Variants in HCN2 observed in about 807,000 individuals in gnomAD.
HCN2 encodes hyperpolarization activated cyclic nucleotide gated potassium and sodium channel 2, also known as potassium/sodium hyperpolarization-activated cyclic nucleotide-gated channel 2.
A neutral mutation model predicts 52.3 loss-of-function variants in HCN2; 20 were observed. That is an observed-to-expected ratio of 0.38 (90% CI 0.27 to 0.56). HCN2 has a LOEUF of 0.56. Ranked by LOEUF, HCN2 falls within the 20% of genes least tolerant of loss-of-function variation. The pLI, the probability that HCN2 is intolerant of heterozygous loss-of-function variation, is 0.71. For synonymous variants in HCN2, 694 were observed against 537.0 expected (o/e 1.29, Z -4.04); for missense variants, 981 against 1,207.7 (o/e 0.81, Z 2.78).
intron 1 of HCN2, among the ~76,000 whole-genome samples, chr19:599,718 G>A (rs2144510819): frequency 6.6e-6 from 1 of 152,254 alleles, no homozygotes; most frequent in South Asian, 2.1e-4. Flanking sequence ...AACCCTGGAG[G>A]CGGAGCTTGC....
Position 603,483 on chromosome 19 carries a change from G to A in HCN2, c.633-61G>A, listed in dbSNP as rs116123391. On this transcript the variant is annotated intron_variant, in intron 1 of 7. Transcript: ENST00000251287. ...CGTCCCCCAAGGAAGAGTGCCCGGG[G>A]CTGGTCCCGCAGGTGCCCCGGGGAG... is the stretch of plus-strand genomic sequence containing the variant. The A allele has an allele frequency of 6.8e-4, 946 of 1,381,806 alleles. 4 individuals are homozygous for A. The African/African-American group carries it at 0.012, about 17-fold the overall frequency. The allele number at this position is 1,381,806 out of a possible 1,614,324, so 85.6% of individuals were successfully genotyped here. A position where few individuals can be genotyped will look rare whatever the true frequency, so the allele number is the denominator to read the frequency against.
intron 5 of HCN2, among the ~76,000 whole-genome samples, chr19:611,110 C>CT (rs1226286844): frequency 6.6e-6 from 1 of 152,222 alleles, no homozygotes; most frequent in African/African-American, 2.4e-5. Context: ...GTGGCCTCGC[C>CT]TTAACTGGGC....
At position 592,089 on chromosome 19, in the gene HCN2, G is replaced by A. The variant is rs949918387; in HGVS notation, c.632+1512G>A. Among the ~76,000 whole-genome samples the A allele has an allele frequency of 2.6e-5, 4 of 152,200 alleles. No individual in the cohort carries two copies. Among genetic ancestry groups the A allele is most frequent in the Non-Finnish European group, 5.9e-5 (4 of 68,016 alleles). Reference sequence around the variant, plus strand: ...GGTCAGCATCTGGGCTCTGGCCTGCGAAATGTGGACAGTGAGCGGGAAGGA... The same window carrying A: ...GGTCAGCATCTGGGCTCTGGCCTGCAAAATGTGGACAGTGAGCGGGAAGGA... On this transcript the variant is annotated intron_variant, in intron 1 of 7. Transcript: ENST00000251287. The surrounding 1 kb of genome is among the most constrained non-coding windows in gnomAD (Gnocchi z 4.8).
chr19:604,086 G>T, intron 2 of HCN2, 119 bp downstream of exon 2: 1 of 794,032 alleles, frequency 1.3e-6, no homozygotes, highest in South Asian at 1.8e-5. Flanking sequence ...AAGGCAGCAG[G>T]GGTGGGGCTA....
In HCN2 at chr19:600,955, C is replaced by T. The variant is rs369627001; in HGVS notation, c.633-2589C>T. Among the ~76,000 whole-genome samples, 46 of 152,288 alleles carry T rather than the reference C, an allele frequency of 3.0e-4. No individual in the cohort carries two copies. In the East Asian group the frequency reaches 4.4e-3, roughly 15 times the overall value. On this transcript the variant is annotated intron_variant, in intron 1 of 7. Coordinates refer to ENST00000251287, the MANE Select transcript of HCN2 (RefSeq NM_001194.4). ...TGCCACTTCTCACCCCTCCAACCCCCGGCCCCCGGCACCCATGCATCCCCT... is the reference window on the plus strand; with the variant it reads ...TGCCACTTCTCACCCCTCCAACCCCTGGCCCCCGGCACCCATGCATCCCCT...
At position 593,570 on chromosome 19, in the gene HCN2, A is replaced by C. The variant is rs147404977; in HGVS notation, c.632+2993A>C. Among the ~76,000 whole-genome samples, 422 of 152,254 alleles carry C rather than the reference A, an allele frequency of 2.8e-3. 2 individuals are homozygous for C. The highest frequency in any genetic ancestry group is 0.014 in the Middle Eastern group (4 of 294). On this transcript the variant is annotated intron_variant, in intron 1 of 7. Coordinates refer to ENST00000251287, the MANE Select transcript of HCN2 (RefSeq NM_001194.4). The stretch of plus-strand genomic sequence containing the variant: ...AGGAGGCAGAGGTTGCAGTGAGCCG[A>C]GATCGCGCTGCTGCACTCCAGCCTG...
Position 604,982 on chromosome 19 carries a change from G to A in HCN2, c.1057-79G>A, listed in dbSNP as rs941221732. On this transcript the variant is annotated intron_variant, in intron 2 of 7. Coordinates refer to ENST00000251287, the MANE Select transcript of HCN2 (RefSeq NM_001194.4). Reference sequence around the variant, plus strand: ...GGAGGGGGCCAGGAGCTCCCGCAGTGGGGGCGCACGGGGCTGGGGCTCTGA... The same window carrying A: ...GGAGGGGGCCAGGAGCTCCCGCAGTAGGGGCGCACGGGGCTGGGGCTCTGA... The A allele has an allele frequency of 7.2e-5, 106 of 1,482,092 alleles. 1 individual carries two copies. The highest frequency in any genetic ancestry group is 1.6e-5 in the Non-Finnish European group (18 of 1,095,042). 91.8% of individuals were successfully genotyped at this position (1,482,092 alleles called of 1,614,324 possible). A position where few individuals can be genotyped will look rare whatever the true frequency, so the allele number is the denominator to read the frequency against.
chr19:605,372 C>A, intron 3 of HCN2, 150 bp downstream of exon 3: 2 of 413,062 alleles, frequency 4.8e-6, no homozygotes, highest in Non-Finnish European at 8.7e-6. Flanking sequence ...AGGACTCGGG[C>A]CCTTACAGAG....
rs145207363 is a variant in HCN2 at position 602,662 on chromosome 19, C to T, written c.633-882C>T. Among the ~76,000 whole-genome samples, 658 of 152,374 alleles carry T rather than the reference C, an allele frequency of 4.3e-3. 5 individuals carry two copies. Among genetic ancestry groups the T allele is most frequent in the African/African-American group, 0.015 (630 of 41,592 alleles). The stretch of plus-strand genomic sequence containing the variant: ...AGTGCCCCTCTGCACCCCGGCTCCT[C>T]TCTGCTCCTCTGCTGTCCTGTCCTG... On this transcript the variant is annotated intron_variant, in intron 1 of 7. Transcript: ENST00000251287.
rs369054435 is a variant in HCN2, at chr19:610,590, C to T, written c.1584+185C>T. Among the ~76,000 whole-genome samples, 187 of 152,284 alleles carry T rather than the reference C, an allele frequency of 1.2e-3. 1 individual carries two copies. The highest frequency in any genetic ancestry group is 3.9e-3 in the South Asian group (19 of 4,830). ...GTGAGCCTCTGCACCCCCAGGACCCCCGCCACCCCCGCCTTGCTTCCCGCT... is the reference window on the plus strand; with the variant it reads ...GTGAGCCTCTGCACCCCCAGGACCCTCGCCACCCCCGCCTTGCTTCCCGCT... On this transcript the variant is annotated intron_variant, in intron 5 of 7. Transcript: ENST00000251287.
rs1293507911 is a variant in HCN2, at chr19:604,487, C to T, written c.1056+520C>T. On this transcript the variant is annotated intron_variant, in intron 2 of 7. Transcript: ENST00000251287. ...TGGAGTCAAGCAGCAGGGGTGGGGCCGTGATATCTGGGTGGGGTCAAGGAG... is the reference window on the plus strand; with the variant it reads ...TGGAGTCAAGCAGCAGGGGTGGGGCTGTGATATCTGGGTGGGGTCAAGGAG... Among the ~76,000 whole-genome samples, 51 of 42,478 alleles carry T rather than the reference C, an allele frequency of 1.2e-3. 1 individual carries two copies. Among genetic ancestry groups the T allele is most frequent in the Middle Eastern group, 0.021 (1 of 48 alleles). The allele number at this position is 42,478 out of a possible 152,430, so 27.9% of individuals were successfully genotyped here.
At chr19:609,395 G>A (rs1568366205) in intron 4 of HCN2, among the ~76,000 whole-genome samples, 1 of 152,222 alleles carries the variant, frequency 6.6e-6, no homozygotes, top group Non-Finnish European at 1.5e-5. Flanking sequence ...GGGGTCCTGT[G>A]TGTCAGGGTA....
Position 592,403 on chromosome 19 carries a change from G to A in HCN2, c.632+1826G>A, listed in dbSNP as rs368874180. ...GGCAGATGGCTGATCCCGGGGCTTG[G>A]GGGGAAGGCCGGTGGTAGGAGTGAA... On this transcript the variant is annotated intron_variant, in intron 1 of 7. Coordinates refer to ENST00000251287, the MANE Select transcript of HCN2 (RefSeq NM_001194.4). This position sits in a 1 kb window ranked among gnomAD's most constrained non-coding sequence, Gnocchi z 4.8. 2.6e-5 allele frequency among the ~76,000 whole-genome samples: 4 copies of A among 152,186 alleles called. No homozygotes were observed. Among genetic ancestry groups the A allele is most frequent in the Admixed American group, 6.5e-5 (1 of 15,280 alleles).
In HCN2 at chr19:603,505, G is replaced by A. The variant is rs770293751; in HGVS notation, c.633-39G>A. The stretch of plus-strand genomic sequence containing the variant: ...GGGGCTGGTCCCGCAGGTGCCCCGG[G>A]GAGGCACCGGCCTGAGGTGTGGGCA... On this transcript the variant is annotated intron_variant, in intron 1 of 7. Transcript: ENST00000251287. 1.6e-5 allele frequency: 24 copies of A among 1,541,296 alleles called. No individual in the cohort carries two copies. In the South Asian group the frequency reaches 2.9e-4, roughly 18 times the overall value.
At chr19:612,427 T>TGTGTGTGTGA in intron 5 of HCN2, among the ~76,000 whole-genome samples, 136 of 142,358 alleles carry the variant, frequency 9.6e-4, no homozygotes, top group Middle Eastern at 3.6e-3. Flanking sequence ...TGTGTGTGTG[T>TGTGTGTGTGA]GAGAGAGAGA....
Position 616,833 on chromosome 19 carries a change from G to A in HCN2, c.*359G>A, listed in dbSNP as rs1024486891. On this transcript the variant is annotated 3_prime_UTR_variant, in exon 8 of 8. Coordinates refer to ENST00000251287, the MANE Select transcript of HCN2 (RefSeq NM_001194.4). ...GCCCCGCCCGCCCCCCACCCTCTAG[G>A]TGGCCCCCGTCCGAGGAGGATCGTT... 8.4e-5 allele frequency: 16 copies of A among 190,072 alleles called. No homozygotes were observed. Among genetic ancestry groups the A allele is most frequent in the African/African-American group, 2.2e-4 (9 of 41,836 alleles). The allele number at this position is 190,072 out of a possible 1,614,324, so 11.8% of individuals were successfully genotyped here. A position where few individuals can be genotyped will look rare whatever the true frequency, so the allele number is the denominator to read the frequency against.
rs1982848388 is a variant in HCN2 at position 590,812 on chromosome 19, C to G, written c.632+235C>G. 3.6e-6 allele frequency: 1 copy of G among 279,166 alleles called. No homozygotes were observed. The highest frequency in any genetic ancestry group is 5.3e-5 in the Admixed American group (1 of 18,812). The allele number at this position is 279,166 out of a possible 1,614,324, so 17.3% of individuals were successfully genotyped here. On this transcript the variant is annotated intron_variant, in intron 1 of 7. Transcript: ENST00000251287. This position sits in a 1 kb window ranked among gnomAD's most constrained non-coding sequence, Gnocchi z 7.2. ...CGGAGCGCCCCCCTCCCACGCACCC[C>G]GACATCCTCCGCCCTGCGGCGCGGC...
At chr19:605,323 TTTCA>T (rs1471376002) in intron 3 of HCN2, 101 bp downstream of exon 3, 1 of 1,069,538 alleles carries the variant, frequency 9.3e-7, no homozygotes. Flanking sequence ...AACCCAAGCC[TTTCA>T]GAGGTGGGGA....
rs201009163 is a variant in HCN2 at position 615,784 on chromosome 19, C to G, written c.1991-11C>G. ...CTCCCTGTGCACACGCTAACGCCCC[C>G]TCTCCCGCAGGCAAGAAGAATTCCA... On this transcript the variant is annotated splice_polypyrimidine_tract_variant and intron_variant, in intron 7 of 7. Coordinates refer to ENST00000251287, the MANE Select transcript of HCN2 (RefSeq NM_001194.4). 4 of 1,610,562 alleles carry G rather than the reference C, an allele frequency of 2.5e-6. No individual in the cohort carries two copies. Among genetic ancestry groups the G allele is most frequent in the Admixed American group, 1.7e-5 (1 of 59,866 alleles).
Sources: allele counts gnomAD v4.1 joint callset (sites outside exome capture counted in the v4.1 genomes callset), GRCh38; gene constraint gnomAD v4.1.1; non-coding constraint Gnocchi (gnomAD v3.1); transcripts MANE v1.5; gene names NCBI Gene and HGNC (gene_info 2026-07-23, HGNC 2026-07-21).